UTRN: variants seen among roughly 807,000 people sequenced by gnomAD.
The protein encoded by UTRN is utrophin.
Under a neutral mutation model 463.9 loss-of-function variants are expected in UTRN, and 283 were observed. The observed-to-expected ratio is 0.61, with a 90% confidence interval of 0.55 to 0.67. The LOEUF is 0.67. UTRN is among the 30% of genes least tolerant of loss of function. The probability of loss-of-function intolerance (pLI) is 0.00; values close to 1 mark genes in which losing one functional copy is unlikely to be tolerated. For synonymous variants in UTRN, 1,442 were observed against 1,431.5 expected (o/e 1.01, Z -0.17); for missense variants, 3,922 against 4,084.3 (o/e 0.96, Z 1.08).
chr6:144,424,106 T>C (rs1785089752), intron 6 of UTRN, 28 bp downstream of exon 6: 2 of 1,601,170 alleles, frequency 1.2e-6, no homozygotes, highest in African/African-American at 2.7e-5. Context: ...CACTTTTTAA[T>C]AGAGATGGAA....
Position 144,474,762 on chromosome 6 carries a change from G to C in UTRN, c.3336+3G>C. 6.2e-7 allele frequency: 1 copy of C among 1,611,128 alleles called. No individual in the cohort carries two copies. Among genetic ancestry groups the C allele is most frequent in the Admixed American group, 1.7e-5 (1 of 59,276 alleles). ...AACTGGAGAAACTTAGCAAGGAGGT[G>C]AGTTTTTCAACTTTACTACCTACGG... On this transcript the variant is annotated splice_donor_region_variant and intron_variant, in intron 25 of 74. Transcript: ENST00000367545.
chr6:144,650,544 T>C (rs1278172141), intron 51 of UTRN, among the ~76,000 whole-genome samples: 1 of 152,224 alleles, frequency 6.6e-6, no homozygotes, highest in African/African-American at 2.4e-5. Context: ...ATGAATACAA[T>C]AGAGCATTGC....
chr6:144,773,484 C>T (rs1775039219), intron 59 of UTRN, among the ~76,000 whole-genome samples: 2 of 152,170 alleles, frequency 1.3e-5, no homozygotes, highest in Non-Finnish European at 2.9e-5. Context: ...TTTTCTCACC[C>T]ATCATAAGGG....
At position 144,556,265 on chromosome 6, in the gene UTRN, T is replaced by G. The variant is rs770599020; in HGVS notation, c.7135-892T>G. ...TTTTATTCTCCACAAATGCAGACTT[T>G]ACTTGGTTACAGTTTTAAAAGCAAG... On this transcript the variant is annotated intron_variant, in intron 49 of 74. Transcript: ENST00000367545. Among the ~76,000 whole-genome samples the G allele has an allele frequency of 8.1e-4, 123 of 152,242 alleles. 2 individuals carry two copies. The highest frequency in any genetic ancestry group is 2.9e-4 in the Non-Finnish European group (20 of 68,042).
intron 23 of UTRN, among the ~76,000 whole-genome samples, chr6:144,464,055 G>C (rs1351701345): frequency 6.6e-6 from 1 of 151,614 alleles, no homozygotes; most frequent in African/African-American, 2.4e-5. Context: ...TTTGGATCTA[G>C]ATCTAAATAT....
intron 51 of UTRN, among the ~76,000 whole-genome samples, chr6:144,649,276 T>A (rs945624447): frequency 1.4e-4 from 21 of 152,154 alleles, no homozygotes; most frequent in African/African-American, 4.8e-4. Context: ...AAGCCTGTTG[T>A]TTAGAACATT....
At chr6:144,480,055 C>A in intron 26 of UTRN, 73 bp downstream of exon 26, 3 of 1,515,516 alleles carry the variant, frequency 2.0e-6, no homozygotes, top group Non-Finnish European at 2.7e-6. Context: ...CATCAATCAT[C>A]TGTCTATCTG....
At chr6:144,377,350 A>G (rs1435384828) in intron 2 of UTRN, among the ~76,000 whole-genome samples, 2 of 152,078 alleles carry the variant, frequency 1.3e-5, no homozygotes, top group African/African-American at 4.8e-5. Flanking sequence ...ACCAAGTAAC[A>G]TTTCTTTCTG....
At chr6:144,587,376 G>A (rs2128629841) in intron 51 of UTRN, among the ~76,000 whole-genome samples, 1 of 152,276 alleles carries the variant, frequency 6.6e-6, no homozygotes, top group South Asian at 2.1e-4. Flanking sequence ...GGCTTGCTTT[G>A]TGGCTGTGTG....
At chr6:144,715,693 T>TCCTCCC (rs1786342796) in intron 53 of UTRN, among the ~76,000 whole-genome samples, 1 of 131,024 alleles carries the variant, frequency 7.6e-6, no homozygotes, top group African/African-American at 3.4e-5. Context: ...CTCTCTCTCT[T>TCCTCCC]CCCCCCCCAC....
At chr6:144,451,865 A>G (rs1788354057) in intron 18 of UTRN, among the ~76,000 whole-genome samples, 1 of 152,238 alleles carries the variant, frequency 6.6e-6, no homozygotes, top group Non-Finnish European at 1.5e-5. Flanking sequence ...GAATACAACA[A>G]ACTATTTTAA....
At position 144,360,079 on chromosome 6, in the gene UTRN, TCCCTTCCCTTCCCTC is replaced by T. The variant is rs1182562783; in HGVS notation, c.80-43039_80-43025del. Among the ~76,000 whole-genome samples, 286 of 96,484 alleles carry T rather than the reference TCCCTTCCCTTCCCTC, an allele frequency of 3.0e-3. 3 individuals carry two copies. Among genetic ancestry groups the T allele is most frequent in the Middle Eastern group, 0.021 (4 of 188 alleles). The allele number at this position is 96,484 out of a possible 152,430, so 63.3% of individuals were successfully genotyped here. Reference sequence around the variant, plus strand: ...TCCCTTCCCTTCCCTTCCCTTCCCTTCCCTTCCCTTCCCTCCCCTCCCCTCCCCTCCCCCCTTCCT... The same window carrying T: ...TCCCTTCCCTTCCCTTCCCTTCCCTTCCCTCCCCTCCCCTCCCCCCTTCCT... On this transcript the variant is annotated intron_variant, in intron 2 of 74. Coordinates refer to ENST00000367545, the MANE Select transcript of UTRN (RefSeq NM_007124.3).
intron 53 of UTRN, among the ~76,000 whole-genome samples, chr6:144,704,232 C>T (rs1784859558): frequency 6.6e-6 from 1 of 152,106 alleles, no homozygotes; most frequent in Non-Finnish European, 1.5e-5. Context: ...TCTATTATGT[C>T]AGTTTCCTAG....
At chr6:144,385,108 T>C (rs540518661) in intron 2 of UTRN, among the ~76,000 whole-genome samples, 4 of 152,284 alleles carry the variant, frequency 2.6e-5, no homozygotes, top group Non-Finnish European at 5.9e-5. Context: ...TTTTATACAG[T>C]CCATAGGTTC....
intron 43 of UTRN, among the ~76,000 whole-genome samples, 189 bp from the exon 44 acceptor site, chr6:144,537,393 T>A (rs1797634429): frequency 6.6e-6 from 1 of 151,994 alleles, no homozygotes; most frequent in Non-Finnish European, 1.5e-5. Flanking sequence ...AAAAGCTTCT[T>A]GGTCTATTAT....
chr6:144,545,075 G>A (rs1798285370), intron 46 of UTRN, among the ~76,000 whole-genome samples: 1 of 152,042 alleles, frequency 6.6e-6, no homozygotes, highest in Non-Finnish European at 1.5e-5. Context: ...CCAGTCCTTA[G>A]GCCAATAAAC....
At chr6:144,477,912 C>G (rs868092254) in intron 25 of UTRN, among the ~76,000 whole-genome samples, 1 of 119,344 alleles carries the variant, frequency 8.4e-6, no homozygotes, top group African/African-American at 3.4e-5. Context: ...TCTATCTATC[C>G]ATCCATCCAC....
At position 144,851,906 on chromosome 6, in the gene UTRN, G is replaced by A. The variant is rs1280813509; in HGVS notation, c.*909G>A. On this transcript the variant is annotated 3_prime_UTR_variant, in exon 75 of 75. Coordinates refer to ENST00000367545, the MANE Select transcript of UTRN (RefSeq NM_007124.3). Reference sequence around the variant, plus strand: ...CATTTTGACACAGAAACAAAATTTAGTACAACCTTTCCTAGTTCCCATGTC... The same window carrying A: ...CATTTTGACACAGAAACAAAATTTAATACAACCTTTCCTAGTTCCCATGTC... The A allele has an allele frequency of 1.3e-5, 2 of 152,118 alleles. No individual in the cohort carries two copies. Among genetic ancestry groups the A allele is most frequent in the Admixed American group, 1.3e-4 (2 of 15,264 alleles). The allele number at this position is 152,118 out of a possible 1,614,324, so 9.4% of individuals were successfully genotyped here.
intron 51 of UTRN, among the ~76,000 whole-genome samples, chr6:144,597,613 T>C (rs1803791459): frequency 6.6e-6 from 1 of 152,220 alleles, no homozygotes; most frequent in South Asian, 2.1e-4. Flanking sequence ...GTTGACATAA[T>C]ATCTTTTTGT....
Sources: gnomAD v4.1 joint callset for allele counts (sites outside exome capture counted in the v4.1 genomes callset) on GRCh38, gnomAD v4.1.1 for gene constraint, MANE v1.5 for transcripts, NCBI Gene and HGNC (gene_info 2026-07-23, HGNC 2026-07-21) for gene names.